Variants in ITGB3 observed in about 807,000 individuals in gnomAD.
The protein encoded by ITGB3 is integrin subunit beta 3, also known as integrin beta-3.
ITGB3 carries 48 observed loss-of-function variants against 85.8 expected under a neutral mutation model. The ratio of observed to expected loss-of-function variants is 0.56; its 90% confidence interval spans 0.44 to 0.71. The LOEUF (loss-of-function observed/expected upper bound fraction) is 0.71, where lower values mean the gene tolerates loss of function less well. Among genes scored for constraint, ITGB3 ranks in the 30% least tolerant of loss-of-function variants. ITGB3 has a pLI of 0.00. For missense variants in ITGB3, 861 were observed against 1,019.1 expected (o/e 0.84, Z 2.11); for synonymous variants, 363 against 395.6 (o/e 0.92, Z 0.98).
In ITGB3 at chr17:47,292,151, A is replaced by T. The variant is rs745835951; in HGVS notation, c.1273A>T (p.Ile425Phe). ...TCTTTCCATCCAGGTGAGCTTCAGC[A>T]TTGAGGCCAAGGTGCGAGGCTGTCC... ...LKIGDTVSFS[I>F]EAKVRGCPQE... The change falls in exon 10 of 15, where the codon ATT becomes TTT. Residue 425 changes from isoleucine to phenylalanine, a missense_variant. Ile to Phe is a conservative substitution (Grantham distance 21). Coordinates refer to ENST00000559488, the MANE Select transcript of ITGB3 (RefSeq NM_000212.3). The T allele has an allele frequency of 4.3e-6, 7 of 1,614,194 alleles. No individual in the cohort carries two copies. In the Admixed American group the frequency reaches 1.2e-4, roughly 27 times the overall value.
At position 47,283,820 on chromosome 17, in the gene ITGB3, C is replaced by T. The variant is rs1598689657; in HGVS notation, c.361+271C>T. On this transcript the variant is annotated intron_variant, in intron 3 of 14. Transcript: ENST00000559488. ...TAACCCTTCAGACATAGTAGGTGCT[C>T]AAAAAATATTTGTTTCTTCTTTACC... Among the ~76,000 whole-genome samples the T allele has an allele frequency of 2.0e-5, 3 of 152,234 alleles. 1 individual carries two copies.
At chr17:47,305,262 C>CCT (rs1189814071) in intron 13 of ITGB3, among the ~76,000 whole-genome samples, 8 of 152,184 alleles carry the variant, frequency 5.3e-5, no homozygotes, top group African/African-American at 1.9e-4. Context: ...AACACTGGAA[C>CCT]CTCACAGCCT....
At chr17:47,302,234 C>T (rs1313848990) in intron 12 of ITGB3, among the ~76,000 whole-genome samples, 2 of 151,950 alleles carry the variant, frequency 1.3e-5, no homozygotes, top group Non-Finnish European at 2.9e-5. Flanking sequence ...AGAACAGCTG[C>T]ATAAGCAAAC....
At chr17:47,254,629 G>C (rs1340396820) in intron 1 of ITGB3, among the ~76,000 whole-genome samples, 1 of 152,164 alleles carries the variant, frequency 6.6e-6, no homozygotes, top group Non-Finnish European at 1.5e-5. Context: ...AGTGTATTCG[G>C]GGAGCCATGA....
At chr17:47,262,991 C>T (rs16941771) in intron 1 of ITGB3, among the ~76,000 whole-genome samples, 3,250 of 152,246 alleles carry the variant, frequency 0.021, 131 homozygotes, top group East Asian at 0.19. Context: ...CCGTTAAATA[C>T]TACAGAGCAG....
intron 14 of ITGB3, among the ~76,000 whole-genome samples, chr17:47,307,962 T>A (rs1324624772): frequency 6.6e-6 from 1 of 152,026 alleles, no homozygotes; most frequent in Non-Finnish European, 1.5e-5. Context: ...GCTCAAGAGT[T>A]CGAGACCAGC....
chr17:47,277,527 T>C (rs79566218), intron 2 of ITGB3, among the ~76,000 whole-genome samples: 2 of 152,160 alleles, frequency 1.3e-5, no homozygotes, highest in East Asian at 1.9e-4. Context: ...TAGTGCACCA[T>C]GATCATGTCT....
At chr17:47,280,264 G>C (rs1030492149) in intron 2 of ITGB3, among the ~76,000 whole-genome samples, 4 of 152,206 alleles carry the variant, frequency 2.6e-5, no homozygotes, top group African/African-American at 9.7e-5. Flanking sequence ...CCCCATCCAC[G>C]TGGGGAAGGC....
In ITGB3 at chr17:47,287,186, G is replaced by A; in HGVS notation, c.894G>A (p.Gln298=). 1 of 1,613,996 alleles carries A rather than the reference G, an allele frequency of 6.2e-7. No individual in the cohort carries two copies. The highest frequency in any genetic ancestry group is 1.1e-5 in the South Asian group (1 of 91,066). The change falls in exon 6 of 15, where the codon CAG becomes CAA. Residue 298 remains glutamine (Q), a synonymous_variant. Transcript: ENST00000559488. ...GCATTGTCCAGCCTAATGACGGGCA[G>A]TGTCATGTTGGTAGTGACAATCATT... ...LAGIVQPNDG[Q]CHVGSDNHYS...
chr17:47,280,737 G>A (rs1473053515), intron 2 of ITGB3, among the ~76,000 whole-genome samples: 1 of 152,070 alleles, frequency 6.6e-6, no homozygotes, highest in African/African-American at 2.4e-5. Context: ...TTGCTTGAGG[G>A]GGCTGAGGAG....
Position 47,299,210 on chromosome 17 carries a change from C to A in ITGB3, c.1691-98C>A. 1 of 1,160,792 alleles carries A rather than the reference C, an allele frequency of 8.6e-7. No individual in the cohort carries two copies. Among genetic ancestry groups the A allele is most frequent in the Non-Finnish European group, 1.3e-6 (1 of 787,012 alleles). 71.9% of individuals were successfully genotyped at this position (1,160,792 alleles called of 1,614,324 possible). A position where few individuals can be genotyped will look rare whatever the true frequency, so the allele number is the denominator to read the frequency against. On this transcript the variant is annotated intron_variant, in intron 10 of 14. Transcript: ENST00000559488. The surrounding 1 kb of genome is among the most constrained non-coding windows in gnomAD (Gnocchi z 5.1). ...CCCTGCCAACCTGGAGGATCATTAT[C>A]TGTGTGGTTGGGAGAGCAGGATGGT... is the stretch of plus-strand genomic sequence containing the variant.
chr17:47,254,033 TG>T, intron 1 of ITGB3, 93 bp downstream of exon 1: 1 of 820,948 alleles, frequency 1.2e-6, no homozygotes, highest in East Asian at 3.5e-5. Context: ...CGCGGAGGGC[TG>T]GTCCCGCGCG....
intron 1 of ITGB3, 142 bp from the exon 2 acceptor site, chr17:47,274,277 G>A: frequency 1.3e-6 from 1 of 753,124 alleles, no homozygotes; most frequent in Non-Finnish European, 2.4e-6. Flanking sequence ...GTATTTGGTA[G>A]ACGTCTGTGG....
intron 14 of ITGB3, among the ~76,000 whole-genome samples, chr17:47,308,178 T>TAATAATAATAATAATAATAATAAC: frequency 6.8e-6 from 1 of 148,052 alleles, no homozygotes; most frequent in East Asian, 2.0e-4. Context: ...ATAATAATAA[T>TAATAATAATAATAATAATAATAAC]AATAATAATA....
rs768622307 is a variant in ITGB3, at chr17:47,283,342, C to T, written c.166-12C>T. 2.5e-6 allele frequency: 4 copies of T among 1,614,060 alleles called. No individual in the cohort carries two copies. Among genetic ancestry groups the T allele is most frequent in the Admixed American group, 1.7e-5 (1 of 60,020 alleles). ...TGATTGCTGGACTTCTCTTTGGGCT[C>T]CTGTCTTACAGGCCCTGCCTCTGGG... On this transcript the variant is annotated splice_polypyrimidine_tract_variant and intron_variant, in intron 2 of 14. Transcript: ENST00000559488.
chr17:47,293,923 C>A (rs1033952846), intron 10 of ITGB3, among the ~76,000 whole-genome samples: 30 of 152,288 alleles, frequency 2.0e-4, no homozygotes, highest in African/African-American at 7.0e-4. Flanking sequence ...GGGCTCTAAT[C>A]AGTTGAGCTA....
chr17:47,268,764 G>C (rs1326635634), intron 1 of ITGB3, among the ~76,000 whole-genome samples: 2 of 152,196 alleles, frequency 1.3e-5, no homozygotes, highest in Middle Eastern at 3.2e-3. Flanking sequence ...TACCATTCTG[G>C]GGTCTGGAGG....
At chr17:47,303,845 C>T (rs2065176680) in intron 13 of ITGB3, 1 of 152,106 alleles carries the variant, frequency 6.6e-6, no homozygotes. Flanking sequence ...GCCAGTAGAC[C>T]CCTTCCCCCA....
chr17:47,277,199 G>A (rs193009696), intron 2 of ITGB3, among the ~76,000 whole-genome samples: 2 of 152,252 alleles, frequency 1.3e-5, no homozygotes, highest in Admixed American at 6.5e-5. Flanking sequence ...GAGACTCAAC[G>A]CGTAGTCTTA....
Sources: gnomAD v4.1 joint callset for allele counts (sites outside exome capture counted in the v4.1 genomes callset) on GRCh38, gnomAD v4.1.1 for gene constraint, Gnocchi (gnomAD v3.1) non-coding constraint, MANE v1.5 for transcripts, NCBI Gene and HGNC (gene_info 2026-07-23, HGNC 2026-07-21) for gene names.